The following SLX4IP variants were observed in gnomAD, a reference collection of about 807,000 sequenced individuals.
SLX4IP encodes the protein protein SLX4IP.
SLX4IP carries 34 observed loss-of-function variants against 32.9 expected under a neutral mutation model. The observed-to-expected ratio is 1.03, with a 90% CI of 0.79 to 1.38. The LOEUF (loss-of-function observed/expected upper bound fraction) is 1.38, where lower values mean the gene tolerates loss of function less well. Ranked by LOEUF, SLX4IP falls within the 40% of genes most tolerant of loss-of-function variation. SLX4IP has a pLI of 0.00. For synonymous variants in SLX4IP, 172 were observed against 171.7 expected, an observed-to-expected ratio of 1.00 and a Z score of -0.01; for missense variants, 444 against 479.0, an observed-to-expected ratio of 0.93 and a Z score of 0.68.
At chr20:10,525,029 T>G (rs2065929896) in intron 2 of SLX4IP, among the ~76,000 whole-genome samples, 1 of 152,230 alleles carries the variant, frequency 6.6e-6, no homozygotes, top group Non-Finnish European at 1.5e-5. Flanking sequence ...GTCCTGTATG[T>G]GCTTATCCTG....
chr20:10,507,036 A>G (rs994916605), intron 2 of SLX4IP, among the ~76,000 whole-genome samples: 2 of 152,178 alleles, frequency 1.3e-5, no homozygotes, highest in African/African-American at 4.8e-5. Context: ...GGCGGTGAGA[A>G]CACTTAAATT....
chr20:10,522,268 G>T, intron 2 of SLX4IP, among the ~76,000 whole-genome samples: 1 of 152,120 alleles, frequency 6.6e-6, no homozygotes, highest in East Asian at 1.9e-4. Flanking sequence ...CCTTTTTTGG[G>T]GGGATCTTAG....
chr20:10,479,593 G>A (rs770389279), intron 2 of SLX4IP, among the ~76,000 whole-genome samples: 214 of 490 alleles, frequency 0.44, 1 homozygote, highest in East Asian at 0.5. Flanking sequence ...CTTGTGATCC[G>A]CCTGCCTTGG....
Position 10,458,168 on chromosome 20 carries a change from T to A in SLX4IP, c.-29-8T>A. 6.5e-7 allele frequency: 1 copy of A among 1,538,216 alleles called. No individual in the cohort carries two copies. Reference sequence around the variant, plus strand: ...TATACCTAATTGTAACTTTTTTTTTTCTTAAAGGTCTGTAGTTACTGTGGA... The same window carrying A: ...TATACCTAATTGTAACTTTTTTTTTACTTAAAGGTCTGTAGTTACTGTGGA... On this transcript the variant is annotated splice_region_variant and splice_polypyrimidine_tract_variant and intron_variant, in intron 1 of 7. Transcript: ENST00000334534.
intron 2 of SLX4IP, among the ~76,000 whole-genome samples, chr20:10,549,462 G>A (rs372737363): frequency 5.3e-5 from 8 of 152,210 alleles, no homozygotes; most frequent in South Asian, 4.1e-4. Context: ...GCACTAAGGC[G>A]TAGGCTGTTT....
Position 10,585,960 on chromosome 20 carries a change from A to G in SLX4IP, c.239-12715A>G, listed in dbSNP as rs201473798. ...GAAATCTCATTGATCCTCATCTCTA[A>G]AGCTTGGTTTATCTTACCAAGCCTA... On this transcript the variant is annotated intron_variant, in intron 4 of 7. Transcript: ENST00000334534. Among the ~76,000 whole-genome samples, 41 of 151,908 alleles carry G rather than the reference A, an allele frequency of 2.7e-4. No individual in the cohort carries two copies. The East Asian group carries it at 7.9e-3, about 29-fold the overall frequency.
chr20:10,598,015 GCTT>G (rs1160434149), intron 4 of SLX4IP, among the ~76,000 whole-genome samples: 7 of 152,198 alleles, frequency 4.6e-5, no homozygotes, highest in Admixed American at 2.0e-4. Flanking sequence ...GGTATGAACT[GCTT>G]CTTTTTATGA....
intron 1 of SLX4IP, 100 bp from the exon 2 acceptor site, chr20:10,458,076 C>A: frequency 1.5e-6 from 1 of 646,026 alleles, no homozygotes; most frequent in Non-Finnish European, 2.5e-6. Flanking sequence ...CTCATAAATA[C>A]CTATTGATAT....
intron 2 of SLX4IP, among the ~76,000 whole-genome samples, chr20:10,501,228 G>C (rs987850804): frequency 6.6e-6 from 1 of 152,078 alleles, no homozygotes; most frequent in African/African-American, 2.4e-5. Context: ...ATGGTGGAGG[G>C]AGTAATAATG....
chr20:10,587,333 A>T (rs535308978), intron 4 of SLX4IP, among the ~76,000 whole-genome samples: 2 of 152,300 alleles, frequency 1.3e-5, no homozygotes, highest in Admixed American at 6.5e-5. Flanking sequence ...AGAAAATTAG[A>T]AATATGTCTA....
intron 1 of SLX4IP, among the ~76,000 whole-genome samples, chr20:10,453,407 C>T (rs1787000100): frequency 2.6e-5 from 4 of 151,916 alleles, no homozygotes; most frequent in Admixed American, 1.3e-4. Context: ...GGTCTACCCA[C>T]AGCTCTCATG....
At chr20:10,505,966 T>C (rs1191745210) in intron 2 of SLX4IP, among the ~76,000 whole-genome samples, 2 of 152,218 alleles carry the variant, frequency 1.3e-5, no homozygotes, top group Non-Finnish European at 2.9e-5. Flanking sequence ...GTTATGATAT[T>C]GAAACTTCAG....
intron 6 of SLX4IP, among the ~76,000 whole-genome samples, chr20:10,614,453 G>A (rs1171275244): frequency 2.6e-5 from 4 of 152,138 alleles, no homozygotes; most frequent in African/African-American, 9.7e-5. Context: ...CATATGGGGT[G>A]GGCCATGTGG....
chr20:10,500,610 T>C (rs890646472), intron 2 of SLX4IP, among the ~76,000 whole-genome samples: 3 of 151,892 alleles, frequency 2.0e-5, no homozygotes, highest in African/African-American at 4.8e-5. Flanking sequence ...AAATTAACCA[T>C]GCGTGGTGGT....
At chr20:10,575,235 A>T (rs1183656879) in intron 4 of SLX4IP, among the ~76,000 whole-genome samples, 1 of 152,164 alleles carries the variant, frequency 6.6e-6, no homozygotes, top group Non-Finnish European at 1.5e-5. Context: ...TCTAACGATG[A>T]CAACTGGATG....
At chr20:10,464,856 T>G (rs1026811679) in intron 2 of SLX4IP, among the ~76,000 whole-genome samples, 5 of 152,168 alleles carry the variant, frequency 3.3e-5, no homozygotes, top group Admixed American at 2.6e-4. Context: ...GATCTCGTTA[T>G]GTTGCACAGG....
intron 4 of SLX4IP, among the ~76,000 whole-genome samples, chr20:10,561,334 G>A (rs2066329962): frequency 6.6e-6 from 1 of 151,782 alleles, no homozygotes; most frequent in African/African-American, 2.4e-5. Context: ...ACTTACTCTA[G>A]TGGTAGTCTT....
intron 2 of SLX4IP, among the ~76,000 whole-genome samples, chr20:10,530,622 G>A (rs559221291): frequency 4.6e-4 from 70 of 152,328 alleles, no homozygotes; most frequent in African/African-American, 1.6e-3. Context: ...GGGAATTTGA[G>A]CCTGCCACTG....
intron 1 of SLX4IP, among the ~76,000 whole-genome samples, chr20:10,450,778 G>A (rs554513184): frequency 1.6e-4 from 25 of 152,312 alleles, no homozygotes; most frequent in South Asian, 8.3e-4. Context: ...TTGAGACGGA[G>A]TCTCGCTCTG....
Sources: gnomAD v4.1 joint callset for allele counts (sites outside exome capture counted in the v4.1 genomes callset) on GRCh38, gnomAD v4.1.1 for gene constraint, MANE v1.5 for transcripts, NCBI Gene and HGNC (gene_info 2026-07-23, HGNC 2026-07-21) for gene names.